Variants in PIP4K2C observed in about 807,000 individuals in gnomAD.
The protein encoded by PIP4K2C is phosphatidylinositol 5-phosphate 4-kinase type-2 gamma.
Under a neutral mutation model 45.0 loss-of-function variants are expected in PIP4K2C, and 21 were observed. The observed-to-expected ratio is 0.47, with a 90% CI of 0.33 to 0.67. The LOEUF (loss-of-function observed/expected upper bound fraction) is 0.67, where lower values mean the gene tolerates loss of function less well. Among genes scored for constraint, PIP4K2C ranks in the 30% least tolerant of loss-of-function variants. The probability of loss-of-function intolerance (pLI) is 0.02; values close to 1 mark genes in which losing one functional copy is unlikely to be tolerated. For synonymous variants in PIP4K2C, 201 were observed against 204.8 expected (o/e 0.98, Z 0.16); for missense variants, 456 against 542.8 (o/e 0.84, Z 1.59).
At position 57,591,316 on chromosome 12, in the gene PIP4K2C, C is replaced by G. The variant is rs1340719055; in HGVS notation, c.27C>G (p.Ala9=). The change falls in exon 1 of 10, where the codon GCC becomes GCG. Residue 9 remains alanine (A), a synonymous_variant. Transcript: ENST00000354947. ...TGGCGTCCTCCTCGGTCCCACCAGC[C>G]ACGGTATCGGCGGCGACAGCAGGCC... MASSSVPP[A]TVSAATAGPG... is the part of the protein sequence containing the mutation. The G allele has an allele frequency of 6.2e-7, 1 of 1,612,890 alleles. No homozygotes were observed. Among genetic ancestry groups the G allele is most frequent in the South Asian group, 1.1e-5 (1 of 90,988 alleles).
intron 1 of PIP4K2C, among the ~76,000 whole-genome samples, chr12:57,593,707 T>C (rs867923152): frequency 0.012 from 1,103 of 94,192 alleles, 32 homozygotes; most frequent in African/African-American, 0.037. Flanking sequence ...TTTTTTTTTT[T>C]CTAGAATTTC....
At chr12:57,601,480 G>A (rs983047310) in intron 9 of PIP4K2C, 46 bp from the exon 10 acceptor site, 9 of 1,565,048 alleles carry the variant, frequency 5.8e-6, no homozygotes, top group Admixed American at 5.0e-5. Context: ...TGATGGGGAC[G>A]GGTGCTAGGG....
chr12:57,592,402 G>A (rs1325064199), intron 1 of PIP4K2C, among the ~76,000 whole-genome samples: 1 of 152,238 alleles, frequency 6.6e-6, no homozygotes, highest in Non-Finnish European at 1.5e-5. Context: ...TCATGGCTAG[G>A]CTGTGGAGAT....
In PIP4K2C at chr12:57,591,411, TC is replaced by T. The variant is rs771154593; in HGVS notation, c.124del (p.Arg42GlyfsTer14). On this transcript the variant is annotated frameshift_variant, in exon 1 of 10. Coordinates refer to ENST00000354947, the MANE Select transcript of PIP4K2C (RefSeq NM_024779.5). LOFTEE classifies it high-confidence loss of function. ...KHFVQQKVKVFRAADPLVGVF... is the reference protein window; with the variant it reads ...KHFVQQKVKVXRAADPLVGVF... ...TTCGTGCAGCAGAAGGTGAAGGTGT[TC>T]CGGGCGGCCGACCCGCTGGTGGGTG... is the stretch of plus-strand genomic sequence containing the variant. 1 of 1,613,788 alleles carries T rather than the reference TC, an allele frequency of 6.2e-7. No homozygotes were observed. The highest frequency in any genetic ancestry group is 8.5e-7 in the Non-Finnish European group (1 of 1,179,860).
In PIP4K2C at chr12:57,591,227, C is replaced by A; in HGVS notation, c.-63C>A. 1 of 1,529,214 alleles carries A rather than the reference C, an allele frequency of 6.5e-7. No individual in the cohort carries two copies. The highest frequency in any genetic ancestry group is 8.9e-7 in the Non-Finnish European group (1 of 1,129,570). The allele number at this position is 1,529,214 out of a possible 1,614,324, so 94.7% of individuals were successfully genotyped here. On this transcript the variant is annotated 5_prime_UTR_variant, in exon 1 of 10. Coordinates refer to ENST00000354947, the MANE Select transcript of PIP4K2C (RefSeq NM_024779.5). ...CAGCAGCGCAGGTGAGCGCCGCTTC[C>A]GGGGTCGGGCGCCTGGATAGCTGCC...
At chr12:57,592,243 C>T (rs1882995071) in intron 1 of PIP4K2C, among the ~76,000 whole-genome samples, 1 of 152,024 alleles carries the variant, frequency 6.6e-6, no homozygotes, top group Non-Finnish European at 1.5e-5. Flanking sequence ...CAGGAGGAGG[C>T]CAAGGAGACC....
rs1298608713 is a variant in PIP4K2C at position 57,603,309 on chromosome 12, A to G, written c.*1703A>G. 1 of 152,458 alleles carries G rather than the reference A, an allele frequency of 6.6e-6. No individual in the cohort carries two copies. The highest frequency in any genetic ancestry group is 1.5e-5 in the Non-Finnish European group (1 of 68,020). The allele number at this position is 152,458 out of a possible 1,614,324, so 9.4% of individuals were successfully genotyped here. On this transcript the variant is annotated 3_prime_UTR_variant, in exon 10 of 10. Transcript: ENST00000354947. ...GGCTGATGTGTTATGGGCAGTATGG[A>G]TGTCTTCATTTGTTGCTTCTGTTTT...
At chr12:57,594,864 G>T (rs1411814458) in intron 2 of PIP4K2C, among the ~76,000 whole-genome samples, 1 of 152,140 alleles carries the variant, frequency 6.6e-6, no homozygotes, top group Non-Finnish European at 1.5e-5. Flanking sequence ...CAGCTACTTG[G>T]GAGGCTGAGG....
chr12:57,596,085 C>G, intron 4 of PIP4K2C, 54 bp downstream of exon 4: 1 of 1,565,486 alleles, frequency 6.4e-7, no homozygotes, highest in Non-Finnish European at 8.8e-7. Flanking sequence ...TCACATATAG[C>G]TCAGCTATTG....
At chr12:57,591,913 C>T (rs1882979885) in intron 1 of PIP4K2C, among the ~76,000 whole-genome samples, 1 of 152,092 alleles carries the variant, frequency 6.6e-6, no homozygotes, top group East Asian at 1.9e-4. Context: ...TGCTTCCCAG[C>T]CCCGGTCCTT....
At position 57,591,208 on chromosome 12, in the gene PIP4K2C, C is replaced by A; in HGVS notation, c.-82C>A. ...CCGGCCTCCGGTCACGTGACAGCAG[C>A]GCAGGTGAGCGCCGCTTCCGGGGTC... On this transcript the variant is annotated 5_prime_UTR_variant, in exon 1 of 10. Transcript: ENST00000354947. 7.0e-7 allele frequency: 1 copy of A among 1,438,356 alleles called. No homozygotes were observed. The highest frequency in any genetic ancestry group is 9.5e-7 in the Non-Finnish European group (1 of 1,053,138). The allele number at this position is 1,438,356 out of a possible 1,614,324, so 89.1% of individuals were successfully genotyped here. A position where few individuals can be genotyped will look rare whatever the true frequency, so the allele number is the denominator to read the frequency against.
chr12:57,601,150 G>A (rs1052305536), intron 8 of PIP4K2C, 72 bp downstream of exon 8: 5 of 1,597,074 alleles, frequency 3.1e-6, no homozygotes, highest in Non-Finnish European at 4.3e-6. Flanking sequence ...AGTGCTGGGG[G>A]AGAGCCTGAT....
chr12:57,601,673 G>T lies in PIP4K2C; in HGVS notation c.*67G>T. 7.4e-7 allele frequency: 1 copy of T among 1,359,866 alleles called. No individual in the cohort carries two copies. Among genetic ancestry groups the T allele is most frequent in the Non-Finnish European group, 1.1e-6 (1 of 948,448 alleles). 84.2% of individuals were successfully genotyped at this position (1,359,866 alleles called of 1,614,324 possible). On this transcript the variant is annotated 3_prime_UTR_variant, in exon 10 of 10. Transcript: ENST00000354947. ...CTGAGACACTTGGGGGAATTGTGGGGATATTCTAGCCACCAGTTCTCTTCT... is the reference window on the plus strand; with the variant it reads ...CTGAGACACTTGGGGGAATTGTGGGTATATTCTAGCCACCAGTTCTCTTCT...
intron 3 of PIP4K2C, among the ~76,000 whole-genome samples, chr12:57,595,574 G>A (rs573492802): frequency 4.6e-5 from 7 of 152,000 alleles, no homozygotes; most frequent in Admixed American, 4.6e-4. Flanking sequence ...GTGTGGTGGC[G>A]CACGTCTAGT....
chr12:57,599,344 G>T (rs1883328415), intron 5 of PIP4K2C, 56 bp from the exon 6 acceptor site: 11 of 1,611,722 alleles, frequency 6.8e-6, no homozygotes, highest in Non-Finnish European at 8.5e-7. Context: ...TAGGGGCTGG[G>T]TTCTGACTGT....
intron 7 of PIP4K2C, among the ~76,000 whole-genome samples, 181 bp from the exon 8 acceptor site, chr12:57,600,630 T>C (rs1594943081): frequency 6.6e-6 from 1 of 152,124 alleles, no homozygotes; most frequent in East Asian, 1.9e-4. Context: ...TGGAATAAGC[T>C]AAAAGGATGA....
intron 6 of PIP4K2C, among the ~76,000 whole-genome samples, chr12:57,599,803 TC>T (rs986729777): frequency 2.0e-5 from 3 of 152,188 alleles, no homozygotes; most frequent in African/African-American, 7.2e-5. Flanking sequence ...ATGCATGTAA[TC>T]CCAGCACTTT....
intron 4 of PIP4K2C, among the ~76,000 whole-genome samples, chr12:57,598,623 G>A (rs1369671461): frequency 6.8e-6 from 1 of 147,534 alleles, no homozygotes; most frequent in Non-Finnish European, 1.5e-5. Flanking sequence ...GTGACAGAAT[G>A]ACACAGCACA....
chr12:57,598,780 ATAACACT>A (rs1468471761), intron 4 of PIP4K2C, among the ~76,000 whole-genome samples: 1 of 152,220 alleles, frequency 6.6e-6, no homozygotes, highest in Non-Finnish European at 1.5e-5. Context: ...AATAAGGATA[ATAACACT>A]TAACCTTCCT....
Sources: allele counts gnomAD v4.1 joint callset (sites outside exome capture counted in the v4.1 genomes callset), GRCh38; gene constraint gnomAD v4.1.1; transcripts MANE v1.5; gene names NCBI Gene and HGNC (gene_info 2026-07-23, HGNC 2026-07-21).